The following LMO1 variants were observed in gnomAD, a reference collection of about 807,000 sequenced individuals.
LMO1 encodes the protein rhombotin-1.
A neutral mutation model predicts 18.0 loss-of-function variants in LMO1; 10 were observed. The observed-to-expected ratio is 0.55, with a 90% CI of 0.34 to 0.94. LMO1 has a LOEUF of 0.94. Among genes scored for constraint, LMO1 ranks in the 40% least tolerant of loss-of-function variants. The probability of loss-of-function intolerance (pLI) is 0.02; values close to 1 mark genes in which losing one functional copy is unlikely to be tolerated. For synonymous variants in LMO1, 77 were observed against 77.9 expected (o/e 0.99, Z 0.06); for missense variants, 183 against 205.7 (o/e 0.89, Z 0.68).
intron 1 of LMO1, among the ~76,000 whole-genome samples, chr11:8,255,785 C>T (rs1486580533): frequency 6.9e-6 from 1 of 144,282 alleles, no homozygotes; most frequent in East Asian, 2.1e-4. Context: ...ACAGCAATAA[C>T]TAATTGATAC....
At chr11:8,246,288 C>A (rs1013598682) in intron 1 of LMO1, among the ~76,000 whole-genome samples, 3 of 152,124 alleles carry the variant, frequency 2.0e-5, no homozygotes, top group Admixed American at 6.5e-5. Flanking sequence ...CAGAAACAAC[C>A]CAAATGTCCA....
intron 2 of LMO1, among the ~76,000 whole-genome samples, chr11:8,229,566 G>A (rs1444076552): frequency 6.6e-6 from 1 of 152,230 alleles, no homozygotes; most frequent in Admixed American, 6.5e-5. Context: ...GTCATAAATG[G>A]CCTCAGGGAG....
upstream of LMO1, among the ~76,000 whole-genome samples, chr11:8,264,437 A>G (rs1847239790): frequency 6.6e-6 from 1 of 152,140 alleles, no homozygotes; most frequent in Non-Finnish European, 1.5e-5. Flanking sequence ...GCACTGAACA[A>G]AACAAAGATT....
intron 1 of LMO1, among the ~76,000 whole-genome samples, chr11:8,231,536 G>A (rs921631151): frequency 1.1e-4 from 16 of 152,340 alleles, no homozygotes; most frequent in African/African-American, 3.8e-4. Flanking sequence ...AAGTGCAGAG[G>A]ACCTCAGAAG....
rs12420046 is a variant in LMO1, at chr11:8,233,044, C to A, written c.26-2540G>T. Among the ~76,000 whole-genome samples, 431 of 152,332 alleles carry A rather than the reference C, an allele frequency of 2.8e-3. 12 individuals carry two copies. The highest frequency in any genetic ancestry group is 0.023 in the Admixed American group (352 of 15,306). On this transcript the variant is annotated intron_variant, in intron 1 of 3. Transcript: ENST00000335790. Reference sequence around the variant, plus strand: ...TGAAGCTGCCAGCCGCCGCAGGTCCCCCTCCCCACTGCCCGTGCCCAGGCT... The same window carrying A: ...TGAAGCTGCCAGCCGCCGCAGGTCCACCTCCCCACTGCCCGTGCCCAGGCT...
At chr11:8,255,158 T>A (rs1340184389) in intron 1 of LMO1, among the ~76,000 whole-genome samples, 2 of 152,158 alleles carry the variant, frequency 1.3e-5, no homozygotes, top group Admixed American at 1.3e-4. Context: ...GCCGATAGAA[T>A]GCAGCAGAAG....
In LMO1 at chr11:8,224,311, C is replaced by G. The variant is rs1952492002; in HGVS notation, c.*305G>C. ...CATGTGAACAACGCAGAGTAACCTC[C>G]CGGAAACATTCATAAGTTTAATCCA... On this transcript the variant is annotated 3_prime_UTR_variant, in exon 4 of 4. Coordinates refer to ENST00000335790, the MANE Select transcript of LMO1 (RefSeq NM_002315.3). The G allele has an allele frequency of 2.5e-6, 1 of 395,354 alleles. No homozygotes were observed. Among genetic ancestry groups the G allele is most frequent in the Non-Finnish European group, 4.6e-6 (1 of 215,150 alleles). The allele number at this position is 395,354 out of a possible 1,614,324, so 24.5% of individuals were successfully genotyped here.
intron 2 of LMO1, among the ~76,000 whole-genome samples, chr11:8,229,684 C>T (rs1376652596): frequency 2.0e-5 from 3 of 152,314 alleles, no homozygotes; most frequent in East Asian, 1.9e-4. Flanking sequence ...TCACCCTTCA[C>T]GGGGAAGTAA....
chr11:8,236,622 G>A (rs568044732), intron 1 of LMO1, among the ~76,000 whole-genome samples: 3 of 152,134 alleles, frequency 2.0e-5, no homozygotes, highest in South Asian at 2.1e-4. Context: ...GAAGACACAC[G>A]GAGAGCATGC....
chr11:8,243,563 G>A (rs747869904), intron 1 of LMO1, among the ~76,000 whole-genome samples: 34 of 152,328 alleles, frequency 2.2e-4, no homozygotes, highest in South Asian at 2.1e-4. Context: ...AGGGTGGGCC[G>A]GCTGCTGGGC....
upstream of LMO1, among the ~76,000 whole-genome samples, chr11:8,267,300 A>T (rs1421381926): frequency 6.6e-6 from 1 of 152,212 alleles, no homozygotes; most frequent in African/African-American, 2.4e-5. Context: ...TTCAGTACTA[A>T]AATTGAGATC....
At chr11:8,233,354 C>G (rs182413977) in intron 1 of LMO1, among the ~76,000 whole-genome samples, 8 of 152,326 alleles carry the variant, frequency 5.3e-5, no homozygotes, top group African/African-American at 1.9e-4. Flanking sequence ...GACTCCAGGT[C>G]TGCAGTCCTG....
At chr11:8,225,712 C>A (rs1482563829) in intron 3 of LMO1, among the ~76,000 whole-genome samples, 1 of 152,162 alleles carries the variant, frequency 6.6e-6, no homozygotes, top group East Asian at 1.9e-4. Flanking sequence ...TAGTGAGACC[C>A]CAAGATCGCT....
intron 1 of LMO1, among the ~76,000 whole-genome samples, chr11:8,241,945 A>G (rs760214329): frequency 7.2e-5 from 11 of 152,184 alleles, no homozygotes; most frequent in Admixed American, 2.6e-4. Flanking sequence ...AGCTCAATTC[A>G]TGCATGAAGA....
At chr11:8,229,573 G>A (rs1952614948) in intron 2 of LMO1, among the ~76,000 whole-genome samples, 1 of 152,226 alleles carries the variant, frequency 6.6e-6, no homozygotes, top group Non-Finnish European at 1.5e-5. Flanking sequence ...ATGGCCTCAG[G>A]GAGGGTTAAT....
At chr11:8,264,649 T>C (rs1240816757), upstream of LMO1, among the ~76,000 whole-genome samples, 1 of 152,120 alleles carries the variant, frequency 6.6e-6, no homozygotes, top group Non-Finnish European at 1.5e-5. Context: ...TTTTCTTTTT[T>C]AAGATGGAGT....
At chr11:8,250,298 C>G (rs530102004) in intron 1 of LMO1, among the ~76,000 whole-genome samples, 9 of 152,284 alleles carry the variant, frequency 5.9e-5, no homozygotes, top group Admixed American at 5.2e-4. Flanking sequence ...CATACTTTAC[C>G]AGGTGCAGTC....
intron 1 of LMO1, among the ~76,000 whole-genome samples, chr11:8,232,532 C>T (rs1952684612): frequency 6.6e-6 from 1 of 152,198 alleles, no homozygotes; most frequent in African/African-American, 2.4e-5. Context: ...GCTCCAAGGG[C>T]ATGACCTTGT....
In LMO1 at chr11:8,263,556, T is replaced by G. The variant is rs888343242; in HGVS notation, c.-194A>C. 128 of 1,365,088 alleles carry G rather than the reference T, an allele frequency of 9.4e-5. No homozygotes were observed. Among genetic ancestry groups the G allele is most frequent in the Admixed American group, 2.1e-4 (6 of 28,958 alleles). The allele number at this position is 1,365,088 out of a possible 1,614,324, so 84.6% of individuals were successfully genotyped here. A position where few individuals can be genotyped will look rare whatever the true frequency, so the allele number is the denominator to read the frequency against. On this transcript the variant is annotated 5_prime_UTR_variant, in exon 1 of 4. Coordinates refer to ENST00000335790, the MANE Select transcript of LMO1 (RefSeq NM_002315.3). ...AAGCACTTCGCAGATACAAAAGCAG[T>G]CTCACCTACTTTTGTGCCTCAGAAT...
Sources: gnomAD v4.1 joint callset for allele counts (sites outside exome capture counted in the v4.1 genomes callset) on GRCh38, gnomAD v4.1.1 for gene constraint, MANE v1.5 for transcripts, NCBI Gene and HGNC (gene_info 2026-07-23, HGNC 2026-07-21) for gene names.